The following LMO7 variants were observed in gnomAD, a reference collection of about 807,000 sequenced individuals.
LMO7 encodes LIM domain 7, also known as LIM domain only protein 7.
Under a neutral mutation model 206.5 loss-of-function variants are expected in LMO7, and 120 were observed. That is an observed-to-expected ratio of 0.58 (90% CI 0.50 to 0.68). The LOEUF is 0.68. Among genes scored for constraint, LMO7 ranks in the 30% least tolerant of loss-of-function variants. The pLI is 0.00. For synonymous variants in LMO7, 706 were observed against 681.5 expected (o/e 1.04, Z -0.56); for missense variants, 1,959 against 1,957.9 (o/e 1.00, Z -0.01).
intron 2 of LMO7, among the ~76,000 whole-genome samples, chr13:75,725,070 T>C (rs2138527624): frequency 6.6e-6 from 1 of 152,148 alleles, no homozygotes; most frequent in East Asian, 1.9e-4. Flanking sequence ...TCTTTTCTAT[T>C]TCCTTTACCT....
intron 11 of LMO7, among the ~76,000 whole-genome samples, chr13:75,812,753 AG>A (rs2056545181): frequency 1.3e-5 from 2 of 152,232 alleles, no homozygotes; most frequent in Admixed American, 1.3e-4. Flanking sequence ...TTCAACAGAA[AG>A]GCAAGATGCT....
intron 19 of LMO7, among the ~76,000 whole-genome samples, chr13:75,837,564 T>G (rs2059230016): frequency 6.6e-6 from 1 of 152,208 alleles, no homozygotes. Flanking sequence ...TTTTGTTTTC[T>G]TGGTGGAACT....
chr13:75,825,992 T>TC (rs954978654), intron 15 of LMO7, among the ~76,000 whole-genome samples: 4 of 152,036 alleles, frequency 2.6e-5, no homozygotes, highest in Non-Finnish European at 5.9e-5. Flanking sequence ...TCCTCCAGAC[T>TC]CCCCCTTGAT....
At chr13:75,773,131 C>A (rs558581605) in intron 4 of LMO7, among the ~76,000 whole-genome samples, 1 of 152,164 alleles carries the variant, frequency 6.6e-6, no homozygotes, top group South Asian at 2.1e-4. Context: ...GGCAAGAAGT[C>A]CAAATCAAAC....
intron 11 of LMO7, among the ~76,000 whole-genome samples, chr13:75,810,506 C>T (rs980339112): frequency 3.9e-5 from 6 of 152,184 alleles, no homozygotes; most frequent in Non-Finnish European, 7.3e-5. Context: ...GCATGCTTTC[C>T]GTGTGCCATG....
Position 75,853,378 on chromosome 13 carries a change from C to A in LMO7, c.4651C>A (p.Leu1551Met). The change falls in exon 28 of 31, where the codon CTG becomes ATG. Residue 1551 changes from leucine to methionine, a missense_variant. Transcript: ENST00000377534. ...SPSASQSGSQLRNRSVSGKRI... is the reference protein window; with the variant it reads ...SPSASQSGSQMRNRSVSGKRI... ...TTCAGCTTCACAGTCAGGCTCTCAG[C>A]TGCGTAACAGGTGAGGCCCTTGCTG... 1 of 1,602,394 alleles carries A rather than the reference C, an allele frequency of 6.2e-7. No homozygotes were observed. The highest frequency in any genetic ancestry group is 8.5e-7 in the Non-Finnish European group (1 of 1,173,888).
At chr13:75,756,729 A>T (rs2047709216) in intron 3 of LMO7, among the ~76,000 whole-genome samples, 1 of 152,212 alleles carries the variant, frequency 6.6e-6, no homozygotes, top group South Asian at 2.1e-4. Context: ...TAGTTCACTG[A>T]CATTCAAGTT....
upstream of LMO7, among the ~76,000 whole-genome samples, chr13:75,635,003 CAA>C (rs2035575362): frequency 9.4e-5 from 1 of 10,634 alleles, no homozygotes; most frequent in Non-Finnish European, 3.8e-4. Flanking sequence ...GACTCCATCT[CAA>C]AACAAAACAA....
intron 3 of LMO7, among the ~76,000 whole-genome samples, chr13:75,750,787 C>T (rs537342760): frequency 1.7e-4 from 26 of 152,312 alleles, no homozygotes; most frequent in Admixed American, 9.8e-4. Context: ...GACCCTGATG[C>T]TGATGGTCTG....
chr13:75,825,391 C>G (rs1042912203), intron 15 of LMO7, among the ~76,000 whole-genome samples: 1 of 152,122 alleles, frequency 6.6e-6, no homozygotes, highest in African/African-American at 2.4e-5. Flanking sequence ...GTGTTGGTAC[C>G]TCCCTCAGGG....
At chr13:75,805,219 C>T (rs1659063300) in intron 8 of LMO7, 1 of 1,228,454 alleles carries the variant, frequency 8.1e-7, no homozygotes, top group South Asian at 2.5e-5. Context: ...AGTAACACCC[C>T]AAATTGTTTG....
chr13:75,836,589 A>G lies in LMO7; in HGVS notation c.3394+132A>G, dbSNP rs2273996. On this transcript the variant is annotated intron_variant, in intron 19 of 30. Transcript: ENST00000377534. ...ACTGCAAGTTGAAACTAAAAGGTTAACACGCAGATCCAATTGCAGCCAGGT... is the reference window on the plus strand; with the variant it reads ...ACTGCAAGTTGAAACTAAAAGGTTAGCACGCAGATCCAATTGCAGCCAGGT... 0.68 allele frequency: 390,016 copies of G among 576,950 alleles called. 133,058 individuals carry two copies. Among genetic ancestry groups the G allele is most frequent in the Middle Eastern group, 0.79 (2,272 of 2,884 alleles). 35.7% of individuals were successfully genotyped at this position (576,950 alleles called of 1,614,324 possible). A position where few individuals can be genotyped will look rare whatever the true frequency, so the allele number is the denominator to read the frequency against.
At chr13:75,836,334 T>A in intron 18 of LMO7, 63 bp from the exon 19 acceptor site, 1 of 800,286 alleles carries the variant, frequency 1.2e-6, no homozygotes. Context: ...TAATGCGAAA[T>A]GCATTATTTA....
At chr13:75,621,182 G>C (rs965110088) in exon 1 of LMO7, 2 of 152,178 alleles carry the variant, frequency 1.3e-5, no homozygotes, top group Admixed American at 1.3e-4. Context: ...AGTGAAAGTA[G>C]TCTCAAAGAT....
chr13:75,701,785 G>A (rs1198340917), intron 1 of LMO7, among the ~76,000 whole-genome samples: 1 of 152,140 alleles, frequency 6.6e-6, no homozygotes, highest in African/African-American at 2.4e-5. Flanking sequence ...TTTTGTGATT[G>A]TTAACATAAT....
rs1385395165 is a variant in LMO7 at position 75,627,897 on chromosome 13, AG to A, written c.225+4579del. ...AGCTAGAATGGGGGACCTTTAAAAA[AG>A]GTCTTGGATTTATGTTAAATGATTT... On this transcript the variant is annotated intron_variant, in intron 2 of 29. Transcript: ENST00000341547. 6 of 152,080 alleles carry A rather than the reference AG, an allele frequency of 3.9e-5. No individual in the cohort carries two copies. The East Asian group carries it at 7.7e-4, about 20-fold the overall frequency. The allele number at this position is 152,080 out of a possible 1,614,324, so 9.4% of individuals were successfully genotyped here.
chr13:75,782,949 G>A (rs2051766528), intron 4 of LMO7, among the ~76,000 whole-genome samples: 1 of 152,138 alleles, frequency 6.6e-6, no homozygotes, highest in Non-Finnish European at 1.5e-5. Context: ...ACATTCACAG[G>A]TTCTAGGGAT....
In LMO7 at chr13:75,853,163, C is replaced by T; in HGVS notation, c.4436C>T (p.Pro1479Leu). 6.2e-7 allele frequency: 1 copy of T among 1,614,082 alleles called. No homozygotes were observed. The highest frequency in any genetic ancestry group is 1.1e-5 in the South Asian group (1 of 91,074). ...SWRQPPWLNQ[P>L]TGFYASSSVQ... ...AGACAGCCTCCTTGGCTCAATCAGCCCACAGGATTCTATGCTTCTTCCTCT... is the reference window on the plus strand; with the variant it reads ...AGACAGCCTCCTTGGCTCAATCAGCTCACAGGATTCTATGCTTCTTCCTCT... Residue 1479 changes from proline (P) to leucine (L), a missense_variant, in exon 28 of 31, where the codon CCC (proline) becomes CTC (leucine). Transcript: ENST00000377534.
chr13:75,630,342 A>C (rs939526891), intron 2 of LMO7, among the ~76,000 whole-genome samples: 2 of 152,170 alleles, frequency 1.3e-5, no homozygotes, highest in Admixed American at 6.5e-5. Flanking sequence ...AAACACTTGG[A>C]AAAAAGAGAG....
Sources: allele counts gnomAD v4.1 joint callset (sites outside exome capture counted in the v4.1 genomes callset), GRCh38; gene constraint gnomAD v4.1.1; transcripts MANE v1.5; gene names NCBI Gene and HGNC (gene_info 2026-07-23, HGNC 2026-07-21).